Variants in ECEL1 observed in about 807,000 individuals in gnomAD.
ECEL1 encodes endothelin converting enzyme like 1.
Under a neutral mutation model 101.8 loss-of-function variants are expected in ECEL1, and 87 were observed. The observed-to-expected ratio is 0.85, with a 90% CI of 0.72 to 1.02. ECEL1 has a LOEUF of 1.02. ECEL1 is among the 50% of genes least tolerant of loss of function. ECEL1 has a pLI of 0.00. For missense variants in ECEL1, 1,032 were observed against 1,079.2 expected, an observed-to-expected ratio of 0.96 and a Z score of 0.61; for synonymous variants, 487 against 468.7, an observed-to-expected ratio of 1.04 and a Z score of -0.50.
rs756676913 is a variant in ECEL1 at position 232,483,132 on chromosome 2, T to C, written c.1554A>G (p.Lys518=). Residue 518 remains lysine, a synonymous_variant, in exon 9 of 18, where the codon AAA becomes AAG. Coordinates refer to ENST00000304546, the MANE Select transcript of ECEL1 (RefSeq NM_004826.4). ...CATACTCCTTGTCCACAGCATCGGG[T>C]TTCAGCAGGAAGTCCGGGTAGCCGA... ...VMVGYPDFLL[K]PDAVDKEYEF... is the part of the protein sequence containing the mutation. The C allele has an allele frequency of 6.2e-7, 1 of 1,608,678 alleles. No homozygotes were observed. Among genetic ancestry groups the C allele is most frequent in the Admixed American group, 1.7e-5 (1 of 58,636 alleles).
In ECEL1 at chr2:232,481,865, C is replaced by T; in HGVS notation, c.1797-16G>A. Reference sequence around the variant, plus strand: ...GTTGAGAGACCTGGGCCCACAGCAGCAGCATCAGGCCCTAGCCCTCCACCC... The same window carrying T: ...GTTGAGAGACCTGGGCCCACAGCAGTAGCATCAGGCCCTAGCCCTCCACCC... On this transcript the variant is annotated splice_polypyrimidine_tract_variant and intron_variant, in intron 12 of 17. Transcript: ENST00000304546. 6.2e-7 allele frequency: 1 copy of T among 1,613,752 alleles called. No individual in the cohort carries two copies.
At chr2:232,482,641 C>T in intron 10 of ECEL1, 33 bp from the exon 11 acceptor site, 2 of 1,589,886 alleles carry the variant, frequency 1.3e-6, no homozygotes, top group Non-Finnish European at 1.7e-6. Flanking sequence ...ATGGGGGGAA[C>T]ACACTCCCTC....
Position 232,482,890 on chromosome 2 carries a change from A to T in ECEL1, c.1646T>A (p.Leu549His). The change falls in exon 10 of 18, where the codon CTC (leucine) becomes CAC (histidine). Residue 549 changes from leucine (L) to histidine (H), a missense_variant. Physicochemically the swap from Leu to His is moderately conservative, Grantham distance 99 (BLOSUM62 -3). Coordinates refer to ENST00000304546, the MANE Select transcript of ECEL1 (RefSeq NM_004826.4). ...CTCCTGCCGAATCTTCTTAACTGAG[A>T]GCTGGATGCTGAAGCGGATGCTGTT... ...ILNSIRFSIQ[L>H]SVKKIRQEVD... is the part of the protein sequence containing the mutation. 1 of 1,614,144 alleles carries T rather than the reference A, an allele frequency of 6.2e-7. No individual in the cohort carries two copies. Among genetic ancestry groups the T allele is most frequent in the Non-Finnish European group, 8.5e-7 (1 of 1,180,032 alleles).
chr2:232,484,593 G>A lies in ECEL1; in HGVS notation c.1063C>T (p.Arg355Trp), dbSNP rs1001955124. 4.3e-6 allele frequency: 7 copies of A among 1,613,716 alleles called. No homozygotes were observed. Among genetic ancestry groups the A allele is most frequent in the African/African-American group, 2.7e-5 (2 of 74,912 alleles). ...ATCTGGTCTAGCAGCCACTTCCACC[G>A]CAACTGTGAGACCAAGGACAGGGAC... ...GQLQKITPHL[R>W]WKWLLDQIFQ... The change falls in exon 6 of 18, where the codon CGG becomes TGG. Residue 355 changes from arginine to tryptophan, a missense_variant. Transcript: ENST00000304546.
intron 16 of ECEL1, 46 bp downstream of exon 16, chr2:232,480,672 G>A (rs748131595): frequency 2.7e-5 from 43 of 1,596,090 alleles, no homozygotes; most frequent in East Asian, 1.1e-4. Context: ...CCTGGATGCC[G>A]TGTCCCCACC....
Position 232,486,484 on chromosome 2 carries a change from C to A in ECEL1, c.170G>T (p.Arg57Leu). The change falls in exon 2 of 18, where the codon CGG becomes CTG. Residue 57 changes from arginine (R) to leucine (L), a missense_variant. By Grantham distance (102) the Arg-to-Leu change is moderately radical. Transcript: ENST00000304546. ...GARSGLPRWNRREVCLLSGLV... is the reference protein window; with the variant it reads ...GARSGLPRWNLREVCLLSGLV... Reference sequence around the variant, plus strand: ...CCCCGACAGCAGGCACACCTCGCGCCGGTTCCAGCGCGGCAGCCCGGACCG... The same window carrying A: ...CCCCGACAGCAGGCACACCTCGCGCAGGTTCCAGCGCGGCAGCCCGGACCG... 1 of 1,420,038 alleles carries A rather than the reference C, an allele frequency of 7.0e-7. No individual in the cohort carries two copies. The highest frequency in any genetic ancestry group is 9.1e-7 in the Non-Finnish European group (1 of 1,097,286). The allele number at this position is 1,420,038 out of a possible 1,614,324, so 88.0% of individuals were successfully genotyped here. A position where few individuals can be genotyped will look rare whatever the true frequency, so the allele number is the denominator to read the frequency against.
chr2:232,486,169 C>T lies in ECEL1; in HGVS notation c.485G>A (p.Arg162Gln), dbSNP rs764135180. ...ACCCCCGGGCCGCGCCAGCAGGCGC[C>T]GTAGGCGCTCCTCGTTTTGCTCGCC... The part of the protein sequence containing the change: ...AIGEQNEERL[R>Q]RLLARPGGGP... Residue 162 changes from arginine to glutamine, a missense_variant, in exon 2 of 18, where the codon CGG (arginine) becomes CAG (glutamine). Coordinates refer to ENST00000304546, the MANE Select transcript of ECEL1 (RefSeq NM_004826.4). 10 of 1,583,354 alleles carry T rather than the reference C, an allele frequency of 6.3e-6. No individual in the cohort carries two copies. In the East Asian group the frequency reaches 9.1e-5, roughly 14 times the overall value.
At chr2:232,487,050 G>A (rs1468906141) in intron 1 of ECEL1, among the ~76,000 whole-genome samples, 1 of 152,188 alleles carries the variant, frequency 6.6e-6, no homozygotes, top group Non-Finnish European at 1.5e-5. Flanking sequence ...TTGAAAGGTC[G>A]TCCCTCTTCC....
In ECEL1 at chr2:232,486,517, G is replaced by C; in HGVS notation, c.137C>G (p.Thr46Ser). 1 of 1,353,590 alleles carries C rather than the reference G, an allele frequency of 7.4e-7. No individual in the cohort carries two copies. The highest frequency in any genetic ancestry group is 9.4e-7 in the Non-Finnish European group (1 of 1,063,734). 83.8% of individuals were successfully genotyped at this position (1,353,590 alleles called of 1,614,324 possible). A position where few individuals can be genotyped will look rare whatever the true frequency, so the allele number is the denominator to read the frequency against. ...GFPLGAARSA[T>S]GARSGLPRWN... Reference sequence around the variant, plus strand: ...GCGCGGCAGCCCGGACCGGGCCCCGGTGGCGCTGCGCGCAGCGCCCAACGG... The same window carrying C: ...GCGCGGCAGCCCGGACCGGGCCCCGCTGGCGCTGCGCGCAGCGCCCAACGG... The change falls in exon 2 of 18, where the codon ACC (threonine) becomes AGC (serine). Residue 46 changes from threonine to serine, a missense_variant. Transcript: ENST00000304546.
intron 1 of ECEL1, among the ~76,000 whole-genome samples, chr2:232,487,342 C>T (rs1033615685): frequency 6.6e-6 from 1 of 152,172 alleles, no homozygotes; most frequent in African/African-American, 2.4e-5. Flanking sequence ...GCCAACGCCC[C>T]AGGGTGGCGG....
intron 14 of ECEL1, 79 bp downstream of exon 14, chr2:232,481,427 G>T: frequency 6.5e-7 from 1 of 1,532,946 alleles, no homozygotes; most frequent in Non-Finnish European, 8.8e-7. Flanking sequence ...ACATGTGCAC[G>T]TGCGCAAGGG....
At chr2:232,483,232 C>A in intron 8 of ECEL1, 53 bp from the exon 9 acceptor site, 2 of 1,559,320 alleles carry the variant, frequency 1.3e-6, no homozygotes, top group East Asian at 2.4e-5. Context: ...GACAGCCCCC[C>A]GCCCCCCACC....
Position 232,481,460 on chromosome 2 carries a change from T to G in ECEL1, c.1989+46A>C, listed in dbSNP as rs747113853. ...GGGTGTGCGTGATGCTCCCGGCCCG[T>G]GCCCCACCAGGCCTGAGGGGCACAA... On this transcript the variant is annotated intron_variant, in intron 14 of 17. Transcript: ENST00000304546. The G allele has an allele frequency of 1.3e-5, 20 of 1,573,324 alleles. 1 individual carries two copies. The highest frequency in any genetic ancestry group is 1.6e-5 in the Non-Finnish European group (19 of 1,158,386).
chr2:232,482,851 G>A lies in ECEL1; in HGVS notation c.1685C>T (p.Thr562Met), dbSNP rs368587591. 8.7e-6 allele frequency: 14 copies of A among 1,613,766 alleles called. No individual in the cohort carries two copies. The African/African-American group carries it at 1.1e-4, about 12-fold the overall frequency. The change falls in exon 10 of 18, where the codon ACG becomes ATG. Residue 562 changes from threonine (T) to methionine (M), a missense_variant and splice_region_variant. Transcript: ENST00000304546. ...KKIRQEVDKSTWLLPPQALNA... is the reference protein window; with the variant it reads ...KKIRQEVDKSMWLLPPQALNA... ...CCCCAGCTCTGGGCCAGGCACCCACGTGGACTTGTCCACCTCCTGCCGAAT... is the reference window on the plus strand; with the variant it reads ...CCCCAGCTCTGGGCCAGGCACCCACATGGACTTGTCCACCTCCTGCCGAAT...
chr2:232,481,918 C>T, intron 12 of ECEL1, 69 bp from the exon 13 acceptor site: 1 of 1,596,474 alleles, frequency 6.3e-7, no homozygotes, highest in East Asian at 2.3e-5. Context: ...GCTGCCCAGG[C>T]CCCAGATGTC....
Position 232,486,670 on chromosome 2 carries a change from C to G in ECEL1, c.-17G>C, listed in dbSNP as rs767392341. The G allele has an allele frequency of 1.7e-5, 25 of 1,502,420 alleles. No individual in the cohort carries two copies. The South Asian group carries it at 2.6e-4, about 16-fold the overall frequency. The allele number at this position is 1,502,420 out of a possible 1,614,324, so 93.1% of individuals were successfully genotyped here. A position where few individuals can be genotyped will look rare whatever the true frequency, so the allele number is the denominator to read the frequency against. On this transcript the variant is annotated 5_prime_UTR_variant, in exon 2 of 18. Coordinates refer to ENST00000304546, the MANE Select transcript of ECEL1 (RefSeq NM_004826.4). ...GGGCTCCATGGCGCCGAGGCCGCCG[C>G]GGTGCAGACCTGGGCCACCTGGGCT...
intron 16 of ECEL1, 77 bp downstream of exon 16, chr2:232,480,641 C>A: frequency 6.4e-7 from 1 of 1,555,288 alleles, no homozygotes; most frequent in Non-Finnish European, 8.8e-7. Context: ...GAAGCCTGGG[C>A]AAGGCAGGAC....
chr2:232,480,439 G>C lies in ECEL1; in HGVS notation c.2188C>G (p.Leu730Val), dbSNP rs368879054. 2.4e-5 allele frequency: 39 copies of C among 1,613,888 alleles called. No individual in the cohort carries two copies. Among genetic ancestry groups the C allele is most frequent in the Non-Finnish European group, 3.1e-5 (37 of 1,180,000 alleles). The part of the protein sequence containing the change: ...CIKRRSQSIY[L>V]QVLTDKHAPE... ...GCATGCTTGTCAGTCAGCACCTGCA[G>C]GTAGATGGACTGCGACCGCCGCTTG... The change falls in exon 17 of 18, where the codon CTG becomes GTG. Residue 730 changes from leucine (L) to valine (V), a missense_variant. Coordinates refer to ENST00000304546, the MANE Select transcript of ECEL1 (RefSeq NM_004826.4).
At chr2:232,484,303 G>C (rs549191219) in intron 6 of ECEL1, 80 bp from the exon 7 acceptor site, 2 of 1,564,790 alleles carry the variant, frequency 1.3e-6, no homozygotes, top group African/African-American at 1.3e-5. Context: ...ACCTGTGCCC[G>C]CCAACCTGTG....
Sources: gnomAD v4.1 joint callset for allele counts (sites outside exome capture counted in the v4.1 genomes callset) on GRCh38, gnomAD v4.1.1 for gene constraint, MANE v1.5 for transcripts, NCBI Gene and HGNC (gene_info 2026-07-23, HGNC 2026-07-21) for gene names.